The following ELMO1 variants were observed in gnomAD, a reference collection of about 807,000 sequenced individuals.
The protein encoded by ELMO1 is engulfment and cell motility 1, also known as engulfment and cell motility protein 1.
Under a neutral mutation model 98.9 loss-of-function variants are expected in ELMO1, and 26 were observed. That is an observed-to-expected ratio of 0.26 (90% CI 0.19 to 0.36). The LOEUF (loss-of-function observed/expected upper bound fraction) is 0.36, where lower values mean the gene tolerates loss of function less well. ELMO1 is among the 10% of genes least tolerant of loss of function. The pLI is 1.00. For missense variants in ELMO1, 627 were observed against 935.2 expected (o/e 0.67, Z 4.30); for synonymous variants, 346 against 346.0 (o/e 1.00, Z 0.00).
At chr7:36,936,629 TG>T (rs1786556294) in intron 16 of ELMO1, among the ~76,000 whole-genome samples, 1 of 152,112 alleles carries the variant, frequency 6.6e-6, no homozygotes, top group African/African-American at 2.4e-5. Context: ...GGCTAATTTT[TG>T]TATTTTTTGT....
chr7:37,047,876 T>C (rs1187850767), intron 15 of ELMO1, among the ~76,000 whole-genome samples: 1 of 152,124 alleles, frequency 6.6e-6, no homozygotes, highest in African/African-American at 2.4e-5. Flanking sequence ...GTAAAAAAAA[T>C]TGTGACAGTT....
chr7:37,297,092 G>A (rs910630507), intron 4 of ELMO1, among the ~76,000 whole-genome samples: 16 of 152,096 alleles, frequency 1.1e-4, no homozygotes, highest in Non-Finnish European at 2.2e-4. Context: ...GCATGGGGGA[G>A]GAGGAAATGA....
At chr7:36,900,695 C>G (rs903643970) in intron 16 of ELMO1, among the ~76,000 whole-genome samples, 1 of 151,912 alleles carries the variant, frequency 6.6e-6, no homozygotes, top group East Asian at 1.9e-4. Context: ...TCAATACTTA[C>G]AAAAAAAGTA....
chr7:37,008,341 G>A (rs576668147), intron 16 of ELMO1, among the ~76,000 whole-genome samples: 8 of 152,264 alleles, frequency 5.3e-5, no homozygotes, highest in Admixed American at 3.3e-4. Flanking sequence ...TGTTTCACAC[G>A]GGAAACTAAG....
chr7:37,260,882 A>C (rs768382176), intron 5 of ELMO1, among the ~76,000 whole-genome samples: 1 of 152,178 alleles, frequency 6.6e-6, no homozygotes, highest in Admixed American at 6.5e-5. Flanking sequence ...AGAATTATTT[A>C]TCTCTTAAAA....
At chr7:37,335,023 C>T (rs1294627051) in intron 2 of ELMO1, among the ~76,000 whole-genome samples, 2 of 151,940 alleles carry the variant, frequency 1.3e-5, no homozygotes, top group African/African-American at 4.8e-5. Context: ...ATGTGATGAA[C>T]CAAAGGATAC....
chr7:37,063,368 T>C (rs1239669621), intron 15 of ELMO1, among the ~76,000 whole-genome samples: 1 of 152,190 alleles, frequency 6.6e-6, no homozygotes, highest in East Asian at 1.9e-4. Flanking sequence ...ACTATGCTGC[T>C]ACTTATTTTC....
At chr7:37,335,854 G>C (rs1159238971) in intron 2 of ELMO1, among the ~76,000 whole-genome samples, 1 of 152,200 alleles carries the variant, frequency 6.6e-6, no homozygotes, top group Non-Finnish European at 1.5e-5. Context: ...GATGGCCCGT[G>C]CTGGCTTTTC....
At chr7:37,031,371 G>C (rs546499881) in intron 15 of ELMO1, among the ~76,000 whole-genome samples, 165 of 152,176 alleles carry the variant, frequency 1.1e-3, no homozygotes, top group Non-Finnish European at 1.8e-3. Context: ...AGAAAATTTT[G>C]CATTTGCAAA....
intron 16 of ELMO1, among the ~76,000 whole-genome samples, chr7:36,987,069 C>T (rs1478872658): frequency 2.0e-5 from 3 of 152,154 alleles, no homozygotes; most frequent in South Asian, 2.1e-4. Flanking sequence ...TGGAATGAAG[C>T]GATTACACTG....
At chr7:37,010,437 T>C (rs35243264) in intron 16 of ELMO1, among the ~76,000 whole-genome samples, 39,040 of 152,168 alleles carry the variant, frequency 0.26, 6,172 homozygotes, top group African/African-American at 0.45. Flanking sequence ...AAGATGATGC[T>C]GGATTATCCA....
chr7:37,092,055 T>C (rs1280567219), intron 15 of ELMO1, among the ~76,000 whole-genome samples: 1 of 152,162 alleles, frequency 6.6e-6, no homozygotes, highest in Non-Finnish European at 1.5e-5. Context: ...CTTGTTCTTC[T>C]GACTGGGGCT....
chr7:36,974,847 C>T (rs1187082397), intron 16 of ELMO1, among the ~76,000 whole-genome samples: 1 of 152,018 alleles, frequency 6.6e-6, no homozygotes, highest in African/African-American at 2.4e-5. Flanking sequence ...GCCAGCGAGA[C>T]CATGAGCCCA....
chr7:37,070,709 C>T (rs1265833898), intron 15 of ELMO1, among the ~76,000 whole-genome samples: 1 of 152,116 alleles, frequency 6.6e-6, no homozygotes, highest in Non-Finnish European at 1.5e-5. Flanking sequence ...ATGATGGGTA[C>T]CAGCTTTACT....
At chr7:36,951,018 C>T (rs1213559322) in intron 16 of ELMO1, among the ~76,000 whole-genome samples, 1 of 152,212 alleles carries the variant, frequency 6.6e-6, no homozygotes, top group East Asian at 1.9e-4. Flanking sequence ...CACACCTAAT[C>T]AGTCCACAAG....
intron 1 of ELMO1, among the ~76,000 whole-genome samples, chr7:37,440,635 G>T (rs1227601532): frequency 1.3e-5 from 2 of 151,824 alleles, no homozygotes; most frequent in Non-Finnish European, 2.9e-5. Context: ...CAGGCATGGT[G>T]GTGGGCATCT....
chr7:37,074,137 C>A (rs1013117740), intron 15 of ELMO1, among the ~76,000 whole-genome samples: 13 of 146,214 alleles, frequency 8.9e-5, no homozygotes, highest in Middle Eastern at 7.2e-3. Context: ...ATTTATATAT[C>A]AATATAATAC....
rs752586450 is a variant in ELMO1 at position 37,233,065 on chromosome 7, G to A, written c.549+30C>T. The stretch of plus-strand genomic sequence containing the variant: ...AATAGCTATGACAGAAGACAGTAAG[G>A]AAAGCCTAAAGAGGCAGAGTCCACC... On this transcript the variant is annotated intron_variant, in intron 8 of 21. Transcript: ENST00000310758. The A allele has an allele frequency of 3.2e-6, 5 of 1,574,016 alleles. No homozygotes were observed. In the Admixed American group the frequency reaches 7.1e-5, roughly 22 times the overall value.
rs148643265 is a variant in ELMO1, at chr7:37,408,439, G to A, written c.-74+40236C>T. ...TTGGTAGGAAGTGGAAAAAATAACCGCAGAGCAACATTGGCACTACTGTGT... is the reference window on the plus strand; with the variant it reads ...TTGGTAGGAAGTGGAAAAAATAACCACAGAGCAACATTGGCACTACTGTGT... On this transcript the variant is annotated intron_variant, in intron 1 of 21. Coordinates refer to ENST00000310758, the MANE Select transcript of ELMO1 (RefSeq NM_014800.11). 2.6e-4 allele frequency among the ~76,000 whole-genome samples: 40 copies of A among 152,286 alleles called. 1 individual carries two copies. The highest frequency in any genetic ancestry group is 1.0e-3 in the South Asian group (5 of 4,820).
Sources: allele counts gnomAD v4.1 joint callset (sites outside exome capture counted in the v4.1 genomes callset), GRCh38; gene constraint gnomAD v4.1.1; transcripts MANE v1.5; gene names NCBI Gene and HGNC (gene_info 2026-07-23, HGNC 2026-07-21).